Variants in MKRN1 observed in about 807,000 individuals in gnomAD.
The protein encoded by MKRN1 is makorin ring finger protein 1, also known as E3 ubiquitin-protein ligase makorin-1.
Under a neutral mutation model 55.5 loss-of-function variants are expected in MKRN1, and 9 were observed. The observed-to-expected ratio is 0.16, with a 90% CI of 0.10 to 0.28. The LOEUF is 0.28. Among genes scored for constraint, MKRN1 ranks in the 10% least tolerant of loss-of-function variants. The pLI is 1.00. For missense variants in MKRN1, 488 were observed against 626.7 expected (o/e 0.78, Z 2.36); for synonymous variants, 253 against 235.9 (o/e 1.07, Z -0.66).
intron 1 of MKRN1, chr7:140,478,847 T>G: frequency 4.6e-6 from 1 of 218,110 alleles, no homozygotes. Flanking sequence ...CTCTCCCCGA[T>G]GCGCTCGCAG....
rs1226852797 is a variant in MKRN1 at position 140,453,458 on chromosome 7, A to C, written c.*1059T>G. On this transcript the variant is annotated 3_prime_UTR_variant, in exon 8 of 8. Transcript: ENST00000255977. ...GGCAAATACCCACAAAAACAAACACAAAAACCCGACAACAAAATGCCTCAA... is the reference window on the plus strand; with the variant it reads ...GGCAAATACCCACAAAAACAAACACCAAAACCCGACAACAAAATGCCTCAA... 2 of 152,628 alleles carry C rather than the reference A, an allele frequency of 1.3e-5. No homozygotes were observed. Among genetic ancestry groups the C allele is most frequent in the Admixed American group, 1.3e-4 (2 of 15,262 alleles). 9.5% of individuals were successfully genotyped at this position (152,628 alleles called of 1,614,324 possible).
At position 140,456,872 on chromosome 7, in the gene MKRN1, G is replaced by C. The variant is rs1481524013; in HGVS notation, c.772-6C>G. The C allele has an allele frequency of 2.5e-6, 4 of 1,612,606 alleles. No homozygotes were observed. Among genetic ancestry groups the C allele is most frequent in the Non-Finnish European group, 3.4e-6 (4 of 1,179,242 alleles). ...TCATGGGCCTCAATGCACGACTAGA[G>C]AAGGTGGAGAGAGAACAAGTGGAAT... On this transcript the variant is annotated splice_region_variant and splice_polypyrimidine_tract_variant and intron_variant, in intron 4 of 7. Coordinates refer to ENST00000255977, the MANE Select transcript of MKRN1 (RefSeq NM_013446.4).
Position 140,471,767 on chromosome 7 carries a change from C to G in MKRN1, c.314+116G>C, listed in dbSNP as rs1172145578. The G allele has an allele frequency of 2.8e-6, 4 of 1,412,202 alleles. No homozygotes were observed. In the African/African-American group the frequency reaches 5.7e-5, roughly 20 times the overall value. 87.5% of individuals were successfully genotyped at this position (1,412,202 alleles called of 1,614,324 possible). ...TTATAGGCATGAGCCACTGCCCAGCCAAGAGTCATTTTCAAAGCATTATTT... is the reference window on the plus strand; with the variant it reads ...TTATAGGCATGAGCCACTGCCCAGCGAAGAGTCATTTTCAAAGCATTATTT... On this transcript the variant is annotated intron_variant, in intron 2 of 7. Transcript: ENST00000255977.
At chr7:140,455,298 C>T (rs922827665) in intron 6 of MKRN1, 65 bp from the exon 7 acceptor site, 12 of 1,594,670 alleles carry the variant, frequency 7.5e-6, no homozygotes, top group East Asian at 2.2e-5. Context: ...GACTATCATC[C>T]GGGGTTTCTT....
intron 2 of MKRN1, among the ~76,000 whole-genome samples, chr7:140,470,714 G>A (rs1262877699): frequency 2.6e-5 from 4 of 152,126 alleles, no homozygotes; most frequent in African/African-American, 9.7e-5. Context: ...TCAGGAGTTC[G>A]AGACTAGCCT....
intron 2 of MKRN1, among the ~76,000 whole-genome samples, chr7:140,469,685 G>T (rs1794866605): frequency 6.6e-6 from 1 of 152,208 alleles, no homozygotes; most frequent in Non-Finnish European, 1.5e-5. Context: ...GGCAAAGGCA[G>T]GTGGACTGCC....
intron 7 of MKRN1, 39 bp from the exon 8 acceptor site, chr7:140,454,768 A>G: frequency 6.3e-7 from 1 of 1,584,220 alleles, no homozygotes; most frequent in Non-Finnish European, 8.7e-7. Flanking sequence ...GGCACTGTCG[A>G]GCAGTATCTT....
At chr7:140,472,078 T>C (rs1051622273) in intron 1 of MKRN1, 67 bp from the exon 2 acceptor site, 11 of 1,579,456 alleles carry the variant, frequency 7.0e-6, no homozygotes, top group African/African-American at 2.7e-5. Flanking sequence ...CTAATTAGTA[T>C]TCATGACTAA....
At chr7:140,456,554 T>C (rs1423421164) in intron 5 of MKRN1, 98 bp downstream of exon 5, 14 of 1,500,598 alleles carry the variant, frequency 9.3e-6, no homozygotes, top group Non-Finnish European at 1.2e-5. Context: ...ATAAAATGCA[T>C]GCATTTAAAT....
At chr7:140,456,951 G>T in intron 4 of MKRN1, 85 bp from the exon 5 acceptor site, 1 of 1,300,976 alleles carries the variant, frequency 7.7e-7, no homozygotes, top group Non-Finnish European at 1.1e-6. Flanking sequence ...CACAGTCAAA[G>T]AATCAAATAG....
At chr7:140,478,627 G>A (rs1023541892) in intron 1 of MKRN1, 6 of 152,278 alleles carry the variant, frequency 3.9e-5, no homozygotes, top group African/African-American at 9.6e-5. Flanking sequence ...GGGGCGGAGG[G>A]ACGGAGGGAC....
intron 5 of MKRN1, chr7:140,456,231 TTTAGA>T: frequency 2.6e-6 from 3 of 1,160,544 alleles, no homozygotes; most frequent in Non-Finnish European, 3.2e-6. Flanking sequence ...CTTTGCTCTG[TTTAGA>T]TTATGTGGTT....
At chr7:140,471,765 G>T in intron 2 of MKRN1, 118 bp downstream of exon 2, 1 of 1,400,356 alleles carries the variant, frequency 7.1e-7, no homozygotes, top group Non-Finnish European at 9.6e-7. Context: ...CCACTGCCCA[G>T]CCAAGAGTCA....
At position 140,479,225 on chromosome 7, in the gene MKRN1, C is replaced by A; in HGVS notation, c.120G>T (p.Gly40=). Residue 40 remains glycine (G), a synonymous_variant, in exon 1 of 8, where the codon GGG becomes GGT. Transcript: ENST00000255977. ...CGCTGCCGCCGCCCCCTCCGCCCGC[C>A]CCCAGGGACGGGGCGGTGACTGTGG... The part of the protein sequence containing the change: ...PIPTVTAPSL[G]AGGGGGGSDG... 6.2e-6 allele frequency: 9 copies of A among 1,457,548 alleles called. No individual in the cohort carries two copies. Among genetic ancestry groups the A allele is most frequent in the Non-Finnish European group, 8.1e-6 (9 of 1,105,880 alleles). 90.3% of individuals were successfully genotyped at this position (1,457,548 alleles called of 1,614,324 possible). A position where few individuals can be genotyped will look rare whatever the true frequency, so the allele number is the denominator to read the frequency against.
chr7:140,456,941 C>A, intron 4 of MKRN1, 75 bp from the exon 5 acceptor site: 2 of 1,398,282 alleles, frequency 1.4e-6, no homozygotes, highest in South Asian at 2.5e-5. Flanking sequence ...GTTAATGATT[C>A]ACAGTCAAAG....
At chr7:140,468,633 G>A (rs894569042) in intron 2 of MKRN1, among the ~76,000 whole-genome samples, 17 of 144,006 alleles carry the variant, frequency 1.2e-4, no homozygotes, top group African/African-American at 2.1e-4. Context: ...CCAGGGAGTC[G>A]GAGGTTGCAG....
chr7:140,479,377 A>T lies in MKRN1; in HGVS notation c.-33T>A, dbSNP rs1464891538. The T allele has an allele frequency of 6.3e-6, 8 of 1,276,018 alleles. No individual in the cohort carries two copies. The highest frequency in any genetic ancestry group is 6.0e-6 in the Non-Finnish European group (6 of 1,004,580). 79.0% of individuals were successfully genotyped at this position (1,276,018 alleles called of 1,614,324 possible). ...TATCCCACACAGCAAAGGCCCCGGAACTTCCGGGATCACATAGTTCCGGTC... is the reference window on the plus strand; with the variant it reads ...TATCCCACACAGCAAAGGCCCCGGATCTTCCGGGATCACATAGTTCCGGTC... On this transcript the variant is annotated 5_prime_UTR_variant, in exon 1 of 8. Transcript: ENST00000255977.
In MKRN1 at chr7:140,462,986, G is replaced by A. The variant is rs190369199; in HGVS notation, c.315-3050C>T. Among the ~76,000 whole-genome samples the A allele has an allele frequency of 7.2e-5, 11 of 152,004 alleles. 1 individual carries two copies. Among genetic ancestry groups the A allele is most frequent in the Admixed American group, 7.2e-4 (11 of 15,256 alleles). On this transcript the variant is annotated intron_variant, in intron 2 of 7. Coordinates refer to ENST00000255977, the MANE Select transcript of MKRN1 (RefSeq NM_013446.4). ...AACTCAGAACCAATAAAGACTATGC[G>A]CGGTGGCTCATGCCTGTAATCCCAG...
intron 6 of MKRN1, 89 bp from the exon 7 acceptor site, chr7:140,455,322 A>G (rs1438216449): frequency 2.6e-6 from 4 of 1,519,484 alleles, no homozygotes; most frequent in Non-Finnish European, 3.6e-6. Flanking sequence ...ACAGGTAGGG[A>G]TAGAACCAGT....
Sources: allele counts gnomAD v4.1 joint callset (sites outside exome capture counted in the v4.1 genomes callset), GRCh38; gene constraint gnomAD v4.1.1; transcripts MANE v1.5; gene names NCBI Gene and HGNC (gene_info 2026-07-23, HGNC 2026-07-21).